The following DPY19L4 variants were observed in gnomAD, a reference collection of about 807,000 sequenced individuals.
DPY19L4 encodes the protein probable C-mannosyltransferase DPY19L4.
In DPY19L4, 97 loss-of-function variants were observed where a neutral mutation model predicts 102.8. The observed-to-expected ratio is 0.94, with a 90% CI of 0.80 to 1.12. DPY19L4 has a LOEUF of 1.12. Among genes scored for constraint, DPY19L4 ranks in the 50% most tolerant of loss-of-function variants. DPY19L4 has a pLI of 0.00. For missense variants in DPY19L4, 815 were observed against 850.4 expected, an observed-to-expected ratio of 0.96 and a Z score of 0.52; for synonymous variants, 252 against 283.1, an observed-to-expected ratio of 0.89 and a Z score of 1.10.
intron 1 of DPY19L4, among the ~76,000 whole-genome samples, chr8:94,723,388 G>A (rs1401617438): frequency 6.6e-6 from 1 of 151,928 alleles, no homozygotes; most frequent in African/African-American, 2.4e-5. Context: ...TAGGAGAATT[G>A]CTTGAACCCG....
At chr8:94,770,728 G>A (rs1563607672) in intron 13 of DPY19L4, among the ~76,000 whole-genome samples, 157 bp downstream of exon 13, 3 of 152,012 alleles carry the variant, frequency 2.0e-5, no homozygotes, top group African/African-American at 7.2e-5. Flanking sequence ...ACTCAACATG[G>A]TGAGACTCCG....
At chr8:94,720,073 G>T in intron 1 of DPY19L4, 59 bp downstream of exon 1, 6 of 1,507,972 alleles carry the variant, frequency 4.0e-6, no homozygotes, top group Non-Finnish European at 5.3e-6. Context: ...AAGGAGGGGC[G>T]GGGGCGCTGG....
chr8:94,741,568 A>T (rs947257175), intron 6 of DPY19L4, among the ~76,000 whole-genome samples: 4 of 152,202 alleles, frequency 2.6e-5, no homozygotes, highest in Non-Finnish European at 5.9e-5. Flanking sequence ...TTTCTCAGTG[A>T]CAAAAACCTT....
At chr8:94,722,456 T>C (rs1810506630) in intron 1 of DPY19L4, among the ~76,000 whole-genome samples, 1 of 152,174 alleles carries the variant, frequency 6.6e-6, no homozygotes, top group Non-Finnish European at 1.5e-5. Context: ...TAGAATTACA[T>C]ATAATTCAAA....
chr8:94,760,929 C>T (rs1812368883), intron 7 of DPY19L4, among the ~76,000 whole-genome samples: 1 of 152,134 alleles, frequency 6.6e-6, no homozygotes, highest in Non-Finnish European at 1.5e-5. Flanking sequence ...CAGAGGAAAA[C>T]AGCTGAAAGT....
chr8:94,752,800 G>T (rs948793486), intron 6 of DPY19L4, among the ~76,000 whole-genome samples: 4 of 150,836 alleles, frequency 2.7e-5, no homozygotes, highest in Non-Finnish European at 5.9e-5. Flanking sequence ...GAGTAGCTGG[G>T]ACTACAGGCG....
Position 94,770,587 on chromosome 8 carries a change from T to G in DPY19L4, c.1454+16T>G. ...TTATAGAAGGGTAAGTGTACTTTAT[T>G]TGATCCCTTTGTTTTAACAAAGATT... On this transcript the variant is annotated intron_variant, in intron 13 of 18. Transcript: ENST00000414645. 6.2e-7 allele frequency: 1 copy of G among 1,612,570 alleles called. No individual in the cohort carries two copies. Among genetic ancestry groups the G allele is most frequent in the Non-Finnish European group, 8.5e-7 (1 of 1,179,472 alleles).
intron 17 of DPY19L4, among the ~76,000 whole-genome samples, chr8:94,787,153 A>C (rs888348607): frequency 6.6e-6 from 1 of 152,206 alleles, no homozygotes; most frequent in Admixed American, 6.5e-5. Flanking sequence ...GCTGTAGGCT[A>C]TCAGTAATGT....
chr8:94,754,431 G>A (rs1812073218), intron 6 of DPY19L4, among the ~76,000 whole-genome samples: 1 of 151,984 alleles, frequency 6.6e-6, no homozygotes, highest in South Asian at 2.1e-4. Context: ...TTGTAATTTT[G>A]ATTATTTGCA....
intron 6 of DPY19L4, among the ~76,000 whole-genome samples, chr8:94,751,665 T>G (rs1429125954): frequency 2.6e-5 from 4 of 151,902 alleles, no homozygotes; most frequent in Non-Finnish European, 5.9e-5. Context: ...GATTTTTGTA[T>G]TTTTAGTAGA....
At chr8:94,785,657 A>T (rs1813621056) in intron 17 of DPY19L4, among the ~76,000 whole-genome samples, 1 of 152,178 alleles carries the variant, frequency 6.6e-6, no homozygotes. Flanking sequence ...AGAGTTAATT[A>T]TGGTCATGGC....
intron 2 of DPY19L4, among the ~76,000 whole-genome samples, chr8:94,731,014 G>T (rs1318665376): frequency 6.7e-6 from 1 of 148,190 alleles, no homozygotes; most frequent in Non-Finnish European, 1.5e-5. Flanking sequence ...CAAAGTGCTG[G>T]GATTACAGGC....
At chr8:94,753,144 A>T (rs1812021182) in intron 6 of DPY19L4, among the ~76,000 whole-genome samples, 1 of 152,140 alleles carries the variant, frequency 6.6e-6, no homozygotes, top group Non-Finnish European at 1.5e-5. Flanking sequence ...ATGAGATTAT[A>T]GGTGTTTTAA....
intron 8 of DPY19L4, among the ~76,000 whole-genome samples, chr8:94,764,926 A>G (rs1321594013): frequency 6.7e-6 from 1 of 150,310 alleles, no homozygotes; most frequent in African/African-American, 2.4e-5. Flanking sequence ...GATGGGTTTC[A>G]CCATGTTGGC....
chr8:94,743,455 T>C (rs1044965094), intron 6 of DPY19L4, among the ~76,000 whole-genome samples: 2 of 149,838 alleles, frequency 1.3e-5, no homozygotes, highest in Non-Finnish European at 3.0e-5. Flanking sequence ...CTGGGCAACA[T>C]AGTGAGACCT....
chr8:94,788,500 T>C (rs1813752631), intron 18 of DPY19L4, among the ~76,000 whole-genome samples: 1 of 152,256 alleles, frequency 6.6e-6, no homozygotes, highest in Non-Finnish European at 1.5e-5. Flanking sequence ...TGCCTGTACA[T>C]TGAGTCCCTA....
chr8:94,770,492 C>G lies in DPY19L4; in HGVS notation c.1375C>G (p.Arg459Gly). The change falls in exon 13 of 19, where the codon CGA (arginine) becomes GGA (glycine). Residue 459 changes from arginine (R) to glycine (G), a missense_variant. Arg to Gly is a moderately radical substitution (Grantham distance 125). Coordinates refer to ENST00000414645, the MANE Select transcript of DPY19L4 (RefSeq NM_181787.3). ...GGAAACTGTTACTCTTGAAGATGGA[C>G]GAATTGGAGAAAGACCAGAAATAAT... ...LKETVTLEDG[R>G]IGERPEIIYH... The G allele has an allele frequency of 6.2e-7, 1 of 1,613,500 alleles. No individual in the cohort carries two copies. Among genetic ancestry groups the G allele is most frequent in the East Asian group, 2.2e-5 (1 of 44,818 alleles).
At chr8:94,735,921 A>G (rs149765568) in intron 3 of DPY19L4, among the ~76,000 whole-genome samples, 15 of 152,346 alleles carry the variant, frequency 9.8e-5, no homozygotes, top group Middle Eastern at 3.4e-3. Flanking sequence ...TTTTAAAGTA[A>G]TTTATTTAGG....
chr8:94,758,841 T>C (rs1812277720), intron 7 of DPY19L4, among the ~76,000 whole-genome samples: 1 of 152,026 alleles, frequency 6.6e-6, no homozygotes, highest in Non-Finnish European at 1.5e-5. Context: ...TTCAAGCGAT[T>C]ACCATGTATC....
Sources: gnomAD v4.1 joint callset for allele counts (sites outside exome capture counted in the v4.1 genomes callset) on GRCh38, gnomAD v4.1.1 for gene constraint, MANE v1.5 for transcripts, NCBI Gene and HGNC (gene_info 2026-07-23, HGNC 2026-07-21) for gene names.